ZSCAN25: variants seen among roughly 807,000 people sequenced by gnomAD.
ZSCAN25 encodes zinc finger and SCAN domain-containing protein 25.
A neutral mutation model predicts 38.7 loss-of-function variants in ZSCAN25; 27 were observed. That is an observed-to-expected ratio of 0.70 (90% CI 0.51 to 0.96). The LOEUF is 0.96. Among genes scored for constraint, ZSCAN25 ranks in the 40% least tolerant of loss-of-function variants. ZSCAN25 has a pLI of 0.00. For synonymous variants in ZSCAN25, 273 were observed against 277.7 expected (o/e 0.98, Z 0.17); for missense variants, 637 against 705.9 (o/e 0.90, Z 1.11).
chr7:99,685,308 C>A, the ZSCAN25 span: 1 of 1,577,114 alleles, frequency 6.3e-7, no homozygotes. Context: ...TCAAAGTAAA[C>A]AAAAAATGTA....
chr7:99,620,810 G>A (rs1269910115), intron 4 of ZSCAN25: 1 of 152,258 alleles, frequency 6.6e-6, no homozygotes, highest in Admixed American at 6.5e-5. Context: ...AGGCTGGAGT[G>A]CAGTGGCACA....
chr7:99,639,003 CCTG>C, the ZSCAN25 span, among the ~76,000 whole-genome samples: 1 of 152,246 alleles, frequency 6.6e-6, no homozygotes, highest in African/African-American at 2.4e-5. Flanking sequence ...GAGCCGCCGT[CCTG>C]CTGAGGCACG....
At chr7:99,634,833 G>A (rs1371853257), downstream of ZSCAN25, among the ~76,000 whole-genome samples, 1 of 151,466 alleles carries the variant, frequency 6.6e-6, no homozygotes, top group African/African-American at 2.4e-5. Context: ...AAGCGTGGTG[G>A]CAGGCGCCTG....
the ZSCAN25 span, among the ~76,000 whole-genome samples, chr7:99,733,040 T>G: frequency 6.6e-6 from 1 of 152,186 alleles, no homozygotes. Context: ...AGGCTCGTGT[T>G]TGGAGAACCC....
the ZSCAN25 span, among the ~76,000 whole-genome samples, chr7:99,719,050 A>G: frequency 6.6e-6 from 1 of 152,248 alleles, no homozygotes; most frequent in East Asian, 1.9e-4. Flanking sequence ...TTGAAAGACC[A>G]AACATAGTGA....
intron 6 of ZSCAN25, among the ~76,000 whole-genome samples, chr7:99,623,843 GGCT>G (rs1204746581): frequency 9.2e-5 from 14 of 152,224 alleles, no homozygotes; most frequent in African/African-American, 3.4e-4. Context: ...GTGAGTGGGA[GGCT>G]GCTGCAGAGT....
intron 6 of ZSCAN25, among the ~76,000 whole-genome samples, 170 bp downstream of exon 6, chr7:99,622,810 C>A (rs185716461): frequency 1.3e-4 from 20 of 152,148 alleles, no homozygotes; most frequent in African/African-American, 4.6e-4. Flanking sequence ...AACCATCAGC[C>A]GCAGTTGTTA....
At chr7:99,695,818 T>C in the ZSCAN25 span, 1 of 1,613,636 alleles carries the variant, frequency 6.2e-7, no homozygotes, top group Non-Finnish European at 8.5e-7. Flanking sequence ...TCTTAAAAAG[T>C]CCATGTGAAT....
At chr7:99,665,741 A>G in the ZSCAN25 span, among the ~76,000 whole-genome samples, 7 of 152,228 alleles carry the variant, frequency 4.6e-5, no homozygotes, top group Non-Finnish European at 1.5e-5. Context: ...GCCCAGAGCC[A>G]ATTCCTCTTC....
the ZSCAN25 span, among the ~76,000 whole-genome samples, chr7:99,675,331 G>T: frequency 7.2e-5 from 11 of 152,252 alleles, no homozygotes; most frequent in African/African-American, 2.2e-4. Context: ...CAGAAATGTT[G>T]ATCTACTACA....
At chr7:99,689,079 T>C in the ZSCAN25 span, among the ~76,000 whole-genome samples, 4 of 152,106 alleles carry the variant, frequency 2.6e-5, no homozygotes. Flanking sequence ...AGATCCAAAA[T>C]TGACACTCTA....
At chr7:99,730,795 CA>C in the ZSCAN25 span, 2 of 438,460 alleles carry the variant, frequency 4.6e-6, no homozygotes, top group African/African-American at 4.0e-5. Flanking sequence ...ATGGTGCTCA[CA>C]AAGTCTGCAC....
At chr7:99,671,747 T>C in the ZSCAN25 span, 3 of 686,570 alleles carry the variant, frequency 4.4e-6, no homozygotes, top group East Asian at 5.4e-5. Context: ...CTCAAATAAA[T>C]AAAAGTTTGC....
At chr7:99,650,848 A>G in the ZSCAN25 span, among the ~76,000 whole-genome samples, 1 of 152,076 alleles carries the variant, frequency 6.6e-6, no homozygotes, top group East Asian at 1.9e-4. Flanking sequence ...CATAAGTTAC[A>G]TGGGCATATG....
chr7:99,681,279 A>T, the ZSCAN25 span, among the ~76,000 whole-genome samples: 2 of 152,220 alleles, frequency 1.3e-5, no homozygotes, highest in African/African-American at 4.8e-5. Context: ...GAGTGATGTT[A>T]TCTCTTCAAT....
chr7:99,654,085 A>AT, the ZSCAN25 span, among the ~76,000 whole-genome samples: 122 of 148,866 alleles, frequency 8.2e-4, no homozygotes, highest in Non-Finnish European at 1.6e-3. Flanking sequence ...AGGTTTTTGA[A>AT]TTTTTTTTTT....
the ZSCAN25 span, among the ~76,000 whole-genome samples, chr7:99,641,337 G>T: frequency 4.6e-5 from 7 of 152,112 alleles, no homozygotes; most frequent in African/African-American, 1.7e-4. Context: ...GATCTTGTGA[G>T]AACTCACTAT....
the ZSCAN25 span, among the ~76,000 whole-genome samples, chr7:99,737,437 G>C: frequency 6.6e-6 from 1 of 152,096 alleles, no homozygotes; most frequent in African/African-American, 2.4e-5. Flanking sequence ...CATCTCAGCA[G>C]GGAGAAAGAA....
chr7:99,727,813 C>G, the ZSCAN25 span, among the ~76,000 whole-genome samples: 1 of 152,172 alleles, frequency 6.6e-6, no homozygotes, highest in African/African-American at 2.4e-5. Flanking sequence ...TATACTGACT[C>G]TAAATGCTGT....
Sources: allele counts gnomAD v4.1 joint callset (sites outside exome capture counted in the v4.1 genomes callset), GRCh38; gene constraint gnomAD v4.1.1; transcripts MANE v1.5; gene names NCBI Gene and HGNC (gene_info 2026-07-23, HGNC 2026-07-21).